AFF3: variants seen among roughly 807,000 people sequenced by gnomAD.
AFF3 encodes the protein AF4/FMR2 family member 3.
A neutral mutation model predicts 129.7 loss-of-function variants in AFF3; 32 were observed. That is an observed-to-expected ratio of 0.25 (90% CI 0.19 to 0.33). The LOEUF is 0.33. Ranked by LOEUF, AFF3 falls within the 10% of genes least tolerant of loss-of-function variation. The pLI is 1.00. For synonymous variants in AFF3, 644 were observed against 635.4 expected, an observed-to-expected ratio of 1.01 and a Z score of -0.20; for missense variants, 1,373 against 1,592.0, an observed-to-expected ratio of 0.86 and a Z score of 2.34.
rs79330711 is a variant in AFF3, at chr2:99,918,656, A to T, written c.874-81132T>A. On this transcript the variant is annotated intron_variant, in intron 7 of 24. Coordinates refer to ENST00000672756, the MANE Select transcript of AFF3 (RefSeq NM_001386135.1). ...CGCAAATAGGTATTCAATGACTGTTACAGTCAGTGCTAACCTAAAGGCTAC... is the reference window on the plus strand; with the variant it reads ...CGCAAATAGGTATTCAATGACTGTTTCAGTCAGTGCTAACCTAAAGGCTAC... 5.9e-3 allele frequency among the ~76,000 whole-genome samples: 898 copies of T among 152,366 alleles called. 35 individuals carry two copies. The East Asian group carries it at 0.11, about 18-fold the overall frequency.
intron 4 of AFF3, among the ~76,000 whole-genome samples, chr2:100,061,227 T>G (rs370271922): frequency 6.6e-6 from 1 of 152,190 alleles, no homozygotes; most frequent in East Asian, 1.9e-4. Context: ...GTGCAGCCCA[T>G]GCTGTAGGAA....
At chr2:100,137,488 C>T (rs765035588) in intron 1 of AFF3, among the ~76,000 whole-genome samples, 43 of 152,298 alleles carry the variant, frequency 2.8e-4, no homozygotes, top group Non-Finnish European at 2.9e-4. Flanking sequence ...AGTACTCTTC[C>T]TGGTTATGTG....
At chr2:99,770,542 T>C (rs529840567) in intron 8 of AFF3, among the ~76,000 whole-genome samples, 4 of 152,316 alleles carry the variant, frequency 2.6e-5, no homozygotes, top group African/African-American at 9.6e-5. Context: ...TCTGCTTTTC[T>C]AAGCAGAAGG....
At chr2:99,987,377 C>A (rs1679970273) in intron 7 of AFF3, among the ~76,000 whole-genome samples, 1 of 152,174 alleles carries the variant, frequency 6.6e-6, no homozygotes, top group African/African-American at 2.4e-5. Flanking sequence ...GCAATGACTG[C>A]AGAAATCAGA....
At chr2:100,101,348 T>G (rs1240076670) in intron 4 of AFF3, among the ~76,000 whole-genome samples, 7 of 151,102 alleles carry the variant, frequency 4.6e-5, no homozygotes, top group Admixed American at 2.0e-4. Flanking sequence ...AAATTCCAAT[T>G]TGTTCAATTG....
At chr2:99,842,146 C>T (rs1394084268) in intron 7 of AFF3, among the ~76,000 whole-genome samples, 3 of 152,112 alleles carry the variant, frequency 2.0e-5, no homozygotes, top group South Asian at 4.2e-4. Flanking sequence ...GGAATTCCAC[C>T]TTATCTTTTC....
At chr2:99,599,040 A>G (rs1487154001) in intron 14 of AFF3, among the ~76,000 whole-genome samples, 1 of 152,028 alleles carries the variant, frequency 6.6e-6, no homozygotes, top group Non-Finnish European at 1.5e-5. Context: ...GGAAGCCAGG[A>G]ATCCAAAACC....
At chr2:99,616,474 T>A (rs941665543) in intron 13 of AFF3, among the ~76,000 whole-genome samples, 24 of 152,194 alleles carry the variant, frequency 1.6e-4, no homozygotes, top group African/African-American at 5.8e-4. Flanking sequence ...AAACATTTTT[T>A]ATCCTCATTT....
chr2:99,591,072 T>C (rs1003030344), intron 15 of AFF3, among the ~76,000 whole-genome samples: 1 of 152,146 alleles, frequency 6.6e-6, no homozygotes, highest in South Asian at 2.1e-4. Context: ...CTTGAACATA[T>C]TTCTTTTCAT....
intron 7 of AFF3, among the ~76,000 whole-genome samples, chr2:99,876,548 C>T (rs1234043667): frequency 6.6e-6 from 1 of 152,120 alleles, no homozygotes; most frequent in Non-Finnish European, 1.5e-5. Context: ...CGGCCTGTGT[C>T]CCACTTTCCA....
chr2:99,867,007 T>C (rs1256314109), intron 7 of AFF3, among the ~76,000 whole-genome samples: 1 of 131,590 alleles, frequency 7.6e-6, no homozygotes, highest in Non-Finnish European at 1.6e-5. Flanking sequence ...TAATAAAAAA[T>C]AAATAAAATA....
intron 7 of AFF3, among the ~76,000 whole-genome samples, chr2:99,852,487 C>A (rs1690220569): frequency 6.6e-6 from 1 of 152,184 alleles, no homozygotes; most frequent in African/African-American, 2.4e-5. Flanking sequence ...AGCTCATAAT[C>A]TGCCTGTGCA....
At chr2:99,555,120 G>A (rs992555079) in intron 22 of AFF3, among the ~76,000 whole-genome samples, 2 of 152,102 alleles carry the variant, frequency 1.3e-5, no homozygotes, top group South Asian at 2.1e-4. Flanking sequence ...GGTAAGTGAA[G>A]GGCTTCACCC....
chr2:99,712,895 TACTC>T (rs968841176), intron 11 of AFF3, among the ~76,000 whole-genome samples: 10 of 152,348 alleles, frequency 6.6e-5, no homozygotes, highest in African/African-American at 2.4e-4. Flanking sequence ...AATGGAATAT[TACTC>T]AGCCTTAAAA....
At chr2:99,673,173 G>A (rs957049640) in intron 11 of AFF3, among the ~76,000 whole-genome samples, 1 of 151,986 alleles carries the variant, frequency 6.6e-6, no homozygotes, top group African/African-American at 2.4e-5. Context: ...TGCCCCAGGG[G>A]CTTTCATGGT....
rs779934747 is a variant in AFF3 at position 99,601,637 on chromosome 2, G to GC, written c.1185-17dup. ...GACCACGGCGCTGCCAGCCCGCGAG[G>GC]CCCCCGGGAAGCAGAGGGAAGGAAA... is the stretch of plus-strand genomic sequence containing the variant. On this transcript the variant is annotated splice_polypyrimidine_tract_variant and intron_variant, in intron 13 of 24. Coordinates refer to ENST00000672756, the MANE Select transcript of AFF3 (RefSeq NM_001386135.1). The GC allele has an allele frequency of 6.3e-7, 1 of 1,585,342 alleles. No homozygotes were observed. The highest frequency in any genetic ancestry group is 1.3e-5 in the African/African-American group (1 of 74,776).
At chr2:99,743,140 T>TA (rs5832880) in intron 10 of AFF3, among the ~76,000 whole-genome samples, 111,895 of 152,146 alleles carry the variant, frequency 0.74, 41,962 homozygotes, top group East Asian at 0.92. Context: ...CTGGTGCCTG[T>TA]ACCCACAGCA....
At chr2:99,980,006 C>T (rs912147251) in intron 7 of AFF3, among the ~76,000 whole-genome samples, 2 of 152,094 alleles carry the variant, frequency 1.3e-5, no homozygotes, top group African/African-American at 4.8e-5. Context: ...CCCCTCTTGC[C>T]ATAATTGTGT....
Position 99,594,267 on chromosome 2 carries a change from T to C in AFF3, c.1394A>G (p.Lys465Arg). Residue 465 changes from lysine (K) to arginine (R), a missense_variant, in exon 15 of 25, where the codon AAG (lysine) becomes AGG (arginine). Physicochemically the swap from Lys to Arg is conservative, Grantham distance 26. Transcript: ENST00000672756. ...GTTTAGCCATTTATCCAGCTGCCACTTGTTAGAGGATGCCGGTTCAGCCTG... is the reference window on the plus strand; with the variant it reads ...GTTTAGCCATTTATCCAGCTGCCACCTGTTAGAGGATGCCGGTTCAGCCTG... ...SPEAEPASSNKWQLDKWLNKV... is the reference protein window; with the variant it reads ...SPEAEPASSNRWQLDKWLNKV... 6.2e-7 allele frequency: 1 copy of C among 1,610,038 alleles called. No homozygotes were observed. Among genetic ancestry groups the C allele is most frequent in the Non-Finnish European group, 8.5e-7 (1 of 1,177,044 alleles).
Sources: allele counts gnomAD v4.1 joint callset (sites outside exome capture counted in the v4.1 genomes callset), GRCh38; gene constraint gnomAD v4.1.1; transcripts MANE v1.5; gene names NCBI Gene and HGNC (gene_info 2026-07-23, HGNC 2026-07-21).